Variants in CCDC191 observed in about 807,000 individuals in gnomAD.
CCDC191 encodes coiled-coil domain-containing protein 191.
Under a neutral mutation model 114.0 loss-of-function variants are expected in CCDC191, and 99 were observed. That is an observed-to-expected ratio of 0.87 (90% CI 0.74 to 1.03). The LOEUF (loss-of-function observed/expected upper bound fraction) is 1.03, where lower values mean the gene tolerates loss of function less well. Ranked by LOEUF, CCDC191 falls within the 50% of genes least tolerant of loss-of-function variation. CCDC191 has a pLI of 0.00. For missense variants in CCDC191, 973 were observed against 1,087.0 expected, an observed-to-expected ratio of 0.90 and a Z score of 1.47; for synonymous variants, 351 against 376.0, an observed-to-expected ratio of 0.93 and a Z score of 0.77.
chr3:114,002,691 G>A, intron 11 of CCDC191, 153 bp from the exon 12 acceptor site: 1 of 879,698 alleles, frequency 1.1e-6, no homozygotes, highest in South Asian at 5.2e-5. Context: ...AATATATAGA[G>A]ATAAACAGAA....
chr3:113,978,649 C>T (rs889139244), intron 15 of CCDC191: 25 of 616,742 alleles, frequency 4.1e-5, no homozygotes, highest in South Asian at 1.1e-4. Context: ...TTTATACACA[C>T]TCCGTGAAAC....
intron 13 of CCDC191, among the ~76,000 whole-genome samples, chr3:113,982,909 C>T (rs1396895401): frequency 6.6e-6 from 1 of 151,614 alleles, no homozygotes; most frequent in Admixed American, 6.6e-5. Flanking sequence ...CAACTAGAGA[C>T]CATGAGTATA....
At chr3:114,033,725 T>C (rs954213120) in intron 6 of CCDC191, among the ~76,000 whole-genome samples, 2 of 152,230 alleles carry the variant, frequency 1.3e-5, no homozygotes, top group East Asian at 3.8e-4. Context: ...GGGAGCAATA[T>C]GAAAAGCAAG....
intron 13 of CCDC191, among the ~76,000 whole-genome samples, chr3:113,982,549 G>T (rs1274099549): frequency 6.6e-6 from 1 of 151,970 alleles, no homozygotes; most frequent in East Asian, 1.9e-4. Flanking sequence ...GCTAAAAAGG[G>T]ATATAAAATC....
Position 114,010,922 on chromosome 3 carries a change from C to T in CCDC191, c.1263G>A (p.Glu421=), listed in dbSNP as rs2076058707. The change falls in exon 9 of 17, where the codon GAG becomes GAA. Residue 421 remains glutamate (E), a synonymous_variant. Transcript: ENST00000295878. ...TAGTTTCCTCTTTTGTGAGAGCCAG[C>T]TCTCTCTTCAGGAGCTCGGCGCCAT... is the stretch of plus-strand genomic sequence containing the variant. The part of the protein sequence containing the change: ...HWHGAELLKR[E]LALTKEETRK... 2 of 1,614,076 alleles carry T rather than the reference C, an allele frequency of 1.2e-6. No homozygotes were observed. The highest frequency in any genetic ancestry group is 2.7e-5 in the African/African-American group (2 of 75,066).
intron 8 of CCDC191, among the ~76,000 whole-genome samples, chr3:114,013,681 A>G (rs1003601777): frequency 1.3e-5 from 2 of 152,224 alleles, no homozygotes; most frequent in African/African-American, 4.8e-5. Context: ...ACAATGATAT[A>G]TAACTGCATG....
chr3:114,001,891 C>T (rs2075863274), intron 12 of CCDC191, 195 bp from the exon 13 acceptor site: 1 of 586,002 alleles, frequency 1.7e-6, no homozygotes, highest in Admixed American at 3.3e-5. Context: ...CCAAAAGAAT[C>T]CTTTTCTACT....
At chr3:114,006,077 G>T in intron 9 of CCDC191, 115 bp from the exon 10 acceptor site, 1 of 933,960 alleles carries the variant, frequency 1.1e-6, no homozygotes, top group Non-Finnish European at 1.7e-6. Flanking sequence ...TGTATTGCAG[G>T]TAAAGGTGGT....
intron 16 of CCDC191, among the ~76,000 whole-genome samples, chr3:113,968,460 CCT>C (rs941465267): frequency 6.6e-5 from 10 of 151,974 alleles, no homozygotes; most frequent in South Asian, 4.1e-4. Context: ...TCTTCCCCCC[CCT>C]TTTTTTTTTA....
At chr3:114,047,177 A>G (rs1291645885) in intron 2 of CCDC191, 3 of 877,442 alleles carry the variant, frequency 3.4e-6, no homozygotes, top group Non-Finnish European at 4.1e-6. Flanking sequence ...CTCCCATCTC[A>G]TATTAGGCAA....
chr3:113,998,627 G>C (rs2075786683), intron 13 of CCDC191, among the ~76,000 whole-genome samples: 1 of 152,198 alleles, frequency 6.6e-6, no homozygotes, highest in Non-Finnish European at 1.5e-5. Context: ...CAATCTGCCA[G>C]CAGCAGAGAC....
At chr3:114,044,759 TG>T in intron 3 of CCDC191, among the ~76,000 whole-genome samples, 1 of 152,310 alleles carries the variant, frequency 6.6e-6, no homozygotes, top group Middle Eastern at 3.4e-3. Flanking sequence ...CATTGGTAAA[TG>T]GGGATTTACT....
chr3:114,055,421 G>GCTT (rs2107772863), intron 1 of CCDC191, among the ~76,000 whole-genome samples: 1 of 152,290 alleles, frequency 6.6e-6, no homozygotes, highest in East Asian at 1.9e-4. Context: ...TCTCCCTGAT[G>GCTT]CTTCAGTCTG....
intron 12 of CCDC191, 143 bp downstream of exon 12, chr3:114,002,313 C>G (rs533983104): frequency 1.7e-6 from 1 of 580,458 alleles, no homozygotes; most frequent in Non-Finnish European, 3.0e-6. Context: ...TCACGGAATT[C>G]AGGCCACTAG....
chr3:113,979,042 C>T, intron 14 of CCDC191, 32 bp from the exon 15 acceptor site: 1 of 1,593,356 alleles, frequency 6.3e-7, no homozygotes, highest in East Asian at 2.3e-5. Flanking sequence ...AAATATTATT[C>T]CTTAAATTTT....
intron 1 of CCDC191, among the ~76,000 whole-genome samples, chr3:114,056,015 CAA>C (rs200734292): frequency 6.0e-5 from 7 of 116,514 alleles, no homozygotes; most frequent in African/African-American, 9.4e-5. Context: ...CCAAGATTTG[CAA>C]AAAAAAAAAA....
rs780699034 is a variant in CCDC191 at position 114,005,728 on chromosome 3, C to T, written c.1648G>A (p.Gly550Ser). 1 of 1,614,042 alleles carries T rather than the reference C, an allele frequency of 6.2e-7. No individual in the cohort carries two copies. Among genetic ancestry groups the T allele is most frequent in the Non-Finnish European group, 8.5e-7 (1 of 1,179,990 alleles). ...TSQKAEPLCL[G>S]HFHNRHVFQQ... is the part of the protein sequence containing the mutation. ...AAGACATGGCGGTTGTGGAAATGAC[C>T]CAAGCAAAGCGGTTCTGCTTTCTGG... Residue 550 changes from glycine to serine, a missense_variant, in exon 10 of 17, where the codon GGT becomes AGT. By Grantham distance (56) the Gly-to-Ser change is moderately conservative. Coordinates refer to ENST00000295878, the MANE Select transcript of CCDC191 (RefSeq NM_020817.2).
intron 6 of CCDC191, among the ~76,000 whole-genome samples, chr3:114,033,147 G>A (rs1434703526): frequency 6.6e-6 from 1 of 151,172 alleles, no homozygotes; most frequent in Non-Finnish European, 1.5e-5. Flanking sequence ...ACTCAGGCTG[G>A]AGTGCAGTGG....
At chr3:113,990,838 T>C (rs1234588277) in intron 13 of CCDC191, among the ~76,000 whole-genome samples, 2 of 148,060 alleles carry the variant, frequency 1.4e-5, no homozygotes, top group Non-Finnish European at 3.0e-5. Context: ...TGGTGGTGCA[T>C]GCTTAGAATC....
Sources: allele counts gnomAD v4.1 joint callset (sites outside exome capture counted in the v4.1 genomes callset), GRCh38; gene constraint gnomAD v4.1.1; transcripts MANE v1.5; gene names NCBI Gene and HGNC (gene_info 2026-07-23, HGNC 2026-07-21).